The following BTC variants were observed in gnomAD, a reference collection of about 807,000 sequenced individuals.
BTC encodes betacellulin, also known as probetacellulin.
BTC carries 13 observed loss-of-function variants against 18.1 expected under a neutral mutation model. That is an observed-to-expected ratio of 0.72 (90% CI 0.47 to 1.14). The LOEUF (loss-of-function observed/expected upper bound fraction) is 1.14. Among genes scored for constraint, BTC ranks in the 50% most tolerant of loss-of-function variants. BTC has a pLI of 0.00. For synonymous variants in BTC, 83 were observed against 79.4 expected, an observed-to-expected ratio of 1.05 and a Z score of -0.24; for missense variants, 247 against 224.2, an observed-to-expected ratio of 1.10 and a Z score of -0.65.
rs75665081 is a variant in BTC at position 74,745,614 on chromosome 4, T to C, written c.*1063A>G. The C allele has an allele frequency of 6.6e-6, 1 of 152,170 alleles. No homozygotes were observed. Among genetic ancestry groups the C allele is most frequent in the Admixed American group, 6.5e-5 (1 of 15,280 alleles). The allele number at this position is 152,170 out of a possible 1,614,324, so 9.4% of individuals were successfully genotyped here. ...GTAATAGATGTTATGGTCATGAATTTACTGCATCAAAATTTACCTGAGAGC... is the reference window on the plus strand; with the variant it reads ...GTAATAGATGTTATGGTCATGAATTCACTGCATCAAAATTTACCTGAGAGC... On this transcript the variant is annotated 3_prime_UTR_variant, in exon 6 of 6. Coordinates refer to ENST00000395743, the MANE Select transcript of BTC (RefSeq NM_001729.4).
intron 2 of BTC, among the ~76,000 whole-genome samples, chr4:74,767,482 T>A (rs1414238839): frequency 6.6e-6 from 1 of 152,014 alleles, no homozygotes; most frequent in Non-Finnish European, 1.5e-5. Flanking sequence ...AAAGATTTAA[T>A]ATTGTTAAAA....
intron 3 of BTC, among the ~76,000 whole-genome samples, chr4:74,754,276 T>C (rs1724539583): frequency 1.3e-5 from 2 of 152,218 alleles, no homozygotes; most frequent in African/African-American, 4.8e-5. Context: ...GCATCAGTCA[T>C]TTCTTGTGCA....
At chr4:74,780,531 A>G (rs1024297053) in intron 1 of BTC, among the ~76,000 whole-genome samples, 3 of 152,226 alleles carry the variant, frequency 2.0e-5, no homozygotes, top group Non-Finnish European at 2.9e-5. Context: ...GAAGTCTTCT[A>G]TCACAGGATG....
rs1724430472 is a variant in BTC at position 74,750,530 on chromosome 4, C to T, written c.428+43G>A. The stretch of plus-strand genomic sequence containing the variant: ...AAAGAAGAAAAACTATGAGCAAATA[C>T]TGTTTCTCAGATTTACTTAAAATTA... On this transcript the variant is annotated intron_variant, in intron 4 of 5. Transcript: ENST00000395743. 2.6e-6 allele frequency: 4 copies of T among 1,563,430 alleles called. No individual in the cohort carries two copies. In the East Asian group the frequency reaches 9.1e-5, roughly 36 times the overall value.
At position 74,770,133 on chromosome 4, in the gene BTC, C is replaced by G; in HGVS notation, c.88G>C (p.Val30Leu). Residue 30 changes from valine (V) to leucine (L), a missense_variant, in exon 2 of 6, where the codon GTG (valine) becomes CTG (leucine). Val to Leu is a conservative substitution (Grantham distance 32, BLOSUM62 1). Coordinates refer to ENST00000395743, the MANE Select transcript of BTC (RefSeq NM_001729.4). ...ALGLVILHCV[V>L]ADGNSTRSPE... Reference sequence around the variant, plus strand: ...CTTCTGGTGGAATTCCCATCTGCCACCACACAGTGAAGGATCACTAGACCT... The same window carrying G: ...CTTCTGGTGGAATTCCCATCTGCCAGCACACAGTGAAGGATCACTAGACCT... 8.1e-6 allele frequency: 13 copies of G among 1,612,990 alleles called. No individual in the cohort carries two copies. Among genetic ancestry groups the G allele is most frequent in the Non-Finnish European group, 1.1e-5 (13 of 1,179,416 alleles).
chr4:74,767,634 C>T (rs1180793990), intron 2 of BTC, among the ~76,000 whole-genome samples: 1 of 151,836 alleles, frequency 6.6e-6, no homozygotes, highest in Non-Finnish European at 1.5e-5. Context: ...TGAGCAAGAA[C>T]AAAGTTGGAG....
intron 2 of BTC, among the ~76,000 whole-genome samples, chr4:74,765,258 T>A (rs114643028): frequency 6.6e-6 from 1 of 151,858 alleles, no homozygotes; most frequent in Non-Finnish European, 1.5e-5. Context: ...CATGAACAAA[T>A]TGAAATTTTC....
At chr4:74,760,259 T>C (rs568676148) in intron 2 of BTC, among the ~76,000 whole-genome samples, 10 of 152,170 alleles carry the variant, frequency 6.6e-5, no homozygotes, top group African/African-American at 9.7e-5. Flanking sequence ...TATGTACAAA[T>C]GTAAAGGGAA....
At chr4:74,760,167 A>G (rs1032648628) in intron 2 of BTC, among the ~76,000 whole-genome samples, 21 of 152,234 alleles carry the variant, frequency 1.4e-4, no homozygotes, top group African/African-American at 2.9e-4. Flanking sequence ...CTGTTATTAC[A>G]GTGCTTTTTT....
At chr4:74,764,747 T>A (rs1430209476) in intron 2 of BTC, among the ~76,000 whole-genome samples, 1 of 152,216 alleles carries the variant, frequency 6.6e-6, no homozygotes, top group African/African-American at 2.4e-5. Context: ...AAATAGTGTA[T>A]GTTCTCACTT....
At chr4:74,775,041 G>C (rs1725141726) in intron 1 of BTC, among the ~76,000 whole-genome samples, 1 of 152,142 alleles carries the variant, frequency 6.6e-6, no homozygotes, top group Admixed American at 6.5e-5. Context: ...TGTCTGGATT[G>C]TGGTACCAAT....
chr4:74,770,438 A>G (rs1184896549), intron 1 of BTC, among the ~76,000 whole-genome samples: 1 of 152,212 alleles, frequency 6.6e-6, no homozygotes, highest in African/African-American at 2.4e-5. Flanking sequence ...TAACAAAAGC[A>G]GAAGTAAGAG....
Position 74,783,638 on chromosome 4 carries a change from T to C in BTC, c.64+10624A>G, listed in dbSNP as rs184489051. On this transcript the variant is annotated intron_variant, in intron 1 of 5. Transcript: ENST00000395743. ...CCATATGAATTTTAAAATAGTTTTTTCTAATTTTGTGAAGAATGTCAATGG... is the reference window on the plus strand; with the variant it reads ...CCATATGAATTTTAAAATAGTTTTTCCTAATTTTGTGAAGAATGTCAATGG... Among the ~76,000 whole-genome samples the C allele has an allele frequency of 8.7e-3, 1,317 of 150,960 alleles. 16 individuals carry two copies. The highest frequency in any genetic ancestry group is 0.031 in the African/African-American group (1,269 of 40,768).
At chr4:74,748,283 T>C in intron 4 of BTC, 134 bp from the exon 5 acceptor site, 1 of 512,966 alleles carries the variant, frequency 1.9e-6, no homozygotes, top group Non-Finnish European at 3.3e-6. Context: ...GCGCAGTGGC[T>C]CACGCCTGTA....
At chr4:74,756,771 T>TA (rs1724612534) in intron 2 of BTC, among the ~76,000 whole-genome samples, 1 of 152,180 alleles carries the variant, frequency 6.6e-6, no homozygotes, top group Non-Finnish European at 1.5e-5. Flanking sequence ...ACTGAAAACT[T>TA]CATGCTCTGG....
At chr4:74,763,625 G>A (rs1186833401) in intron 2 of BTC, among the ~76,000 whole-genome samples, 1 of 151,856 alleles carries the variant, frequency 6.6e-6, no homozygotes, top group Non-Finnish European at 1.5e-5. Context: ...CTCCTGAATG[G>A]GAGAGAAAGG....
chr4:74,751,705 A>G (rs548160371), intron 3 of BTC, among the ~76,000 whole-genome samples: 1 of 152,332 alleles, frequency 6.6e-6, no homozygotes, highest in South Asian at 2.1e-4. Flanking sequence ...AGTACTCCCC[A>G]TAGAATTATC....
chr4:74,793,186 T>C (rs532089548), intron 1 of BTC, among the ~76,000 whole-genome samples: 1 of 152,344 alleles, frequency 6.6e-6, no homozygotes, highest in Non-Finnish European at 1.5e-5. Flanking sequence ...TACTGACTCC[T>C]TCCTCTTCAG....
intron 1 of BTC, among the ~76,000 whole-genome samples, chr4:74,772,133 A>G (rs1313447609): frequency 6.6e-6 from 1 of 152,248 alleles, no homozygotes; most frequent in Non-Finnish European, 1.5e-5. Context: ...CCATATAGTC[A>G]AAAGGTGAAT....
Sources: gnomAD v4.1 joint callset for allele counts (sites outside exome capture counted in the v4.1 genomes callset) on GRCh38, gnomAD v4.1.1 for gene constraint, MANE v1.5 for transcripts, NCBI Gene and HGNC (gene_info 2026-07-23, HGNC 2026-07-21) for gene names.